The following RGS7 variants were observed in gnomAD, a reference collection of about 807,000 sequenced individuals.
RGS7 encodes regulator of G protein signaling 7.
RGS7 carries 27 observed loss-of-function variants against 81.1 expected under a neutral mutation model. The observed-to-expected ratio is 0.33, with a 90% CI of 0.25 to 0.46. RGS7 has a LOEUF of 0.46. RGS7 is among the 20% of genes least tolerant of loss of function. RGS7 has a pLI of 1.00. For missense variants in RGS7, 396 were observed against 607.4 expected (o/e 0.65, Z 3.66); for synonymous variants, 208 against 207.7 (o/e 1.00, Z -0.01).
At chr1:241,321,382 CA>C (rs1399023715) in intron 2 of RGS7, among the ~76,000 whole-genome samples, 1 of 152,166 alleles carries the variant, frequency 6.6e-6, no homozygotes, top group Non-Finnish European at 1.5e-5. Context: ...TTTCTGTTTT[CA>C]AGCAATTTGG....
chr1:240,798,555 G>A (rs1007032515), intron 18 of RGS7, among the ~76,000 whole-genome samples: 4 of 152,070 alleles, frequency 2.6e-5, no homozygotes, highest in African/African-American at 9.7e-5. Context: ...ATAGCACTGG[G>A]GAACAAAATA....
chr1:240,879,646 T>C (rs1477243457), intron 6 of RGS7, among the ~76,000 whole-genome samples: 2 of 152,212 alleles, frequency 1.3e-5, no homozygotes, highest in Non-Finnish European at 2.9e-5. Flanking sequence ...ACCACTCCGT[T>C]AGTGGCCATG....
chr1:241,355,683 C>T lies in RGS7; in HGVS notation c.78+16G>A, dbSNP rs535643271. The T allele has an allele frequency of 1.9e-5, 31 of 1,610,860 alleles. No individual in the cohort carries two copies. The highest frequency in any genetic ancestry group is 2.6e-5 in the Non-Finnish European group (31 of 1,177,136). On this transcript the variant is annotated intron_variant, in intron 2 of 18. Transcript: ENST00000440928. ...CGGAAGTTTCCCGTTTTCCAAGAAACTGAAGACATTCTTACCTTTCTGTAC... is the reference window on the plus strand; with the variant it reads ...CGGAAGTTTCCCGTTTTCCAAGAAATTGAAGACATTCTTACCTTTCTGTAC...
chr1:241,270,223 C>T (rs1308384819), intron 2 of RGS7, among the ~76,000 whole-genome samples: 3 of 152,076 alleles, frequency 2.0e-5, no homozygotes, highest in Non-Finnish European at 4.4e-5. Context: ...AGTGGCTTTT[C>T]CTCTCCCATG....
At chr1:241,084,362 GT>G (rs1007047862) in intron 3 of RGS7, among the ~76,000 whole-genome samples, 1 of 152,128 alleles carries the variant, frequency 6.6e-6, no homozygotes, top group Non-Finnish European at 1.5e-5. Flanking sequence ...TGGTCACACT[GT>G]TAGAGGACCA....
intron 6 of RGS7, among the ~76,000 whole-genome samples, chr1:240,874,966 C>T (rs192485688): frequency 7.2e-5 from 11 of 151,944 alleles, no homozygotes; most frequent in East Asian, 3.9e-4. Context: ...TGCTTGAACC[C>T]GGGAGGCGGG....
At chr1:241,346,204 C>T (rs2082886816) in intron 2 of RGS7, among the ~76,000 whole-genome samples, 2 of 151,456 alleles carry the variant, frequency 1.3e-5, no homozygotes, top group African/African-American at 4.8e-5. Context: ...TTTTAGAAAC[C>T]AGAAAACCAA....
At chr1:240,974,145 GGTGTGTAAGCAAAAC>G (rs1193977613) in intron 4 of RGS7, among the ~76,000 whole-genome samples, 1 of 152,090 alleles carries the variant, frequency 6.6e-6, no homozygotes, top group Non-Finnish European at 1.5e-5. Context: ...GTTGTTTGAT[GGTGTGTAAGCAAAAC>G]ATCTGGTTGA....
intron 3 of RGS7, among the ~76,000 whole-genome samples, chr1:241,011,945 G>A (rs2058978288): frequency 6.6e-6 from 1 of 152,132 alleles, no homozygotes; most frequent in South Asian, 2.1e-4. Context: ...CTATGGAGTA[G>A]CTGTTCTTTA....
intron 2 of RGS7, 113 bp from the exon 3 acceptor site, chr1:241,098,875 A>G (rs2064500063): frequency 1.4e-6 from 1 of 736,234 alleles, no homozygotes; most frequent in Admixed American, 2.2e-5. Flanking sequence ...ACAATGCCGT[A>G]TTCTTGCCTT....
At chr1:240,822,413 C>T (rs1029312440) in intron 10 of RGS7, among the ~76,000 whole-genome samples, 12 of 152,112 alleles carry the variant, frequency 7.9e-5, no homozygotes, top group Non-Finnish European at 5.9e-5. Context: ...GAAGATGGTA[C>T]GATGATGTGA....
At chr1:241,249,004 G>A (rs1388474234) in intron 2 of RGS7, among the ~76,000 whole-genome samples, 1 of 152,096 alleles carries the variant, frequency 6.6e-6, no homozygotes, top group Non-Finnish European at 1.5e-5. Flanking sequence ...CATTTGTATA[G>A]TCTATATACA....
At chr1:240,846,091 A>AT (rs1354102293) in intron 9 of RGS7, among the ~76,000 whole-genome samples, 1 of 152,200 alleles carries the variant, frequency 6.6e-6, no homozygotes, top group East Asian at 1.9e-4. Flanking sequence ...CTATCCATTG[A>AT]GTGTCTGCTG....
intron 2 of RGS7, among the ~76,000 whole-genome samples, chr1:241,308,722 CT>C (rs1194298578): frequency 2.0e-5 from 3 of 152,132 alleles, no homozygotes; most frequent in Non-Finnish European, 4.4e-5. Context: ...GCTGCAAGTA[CT>C]TACAGTGAGT....
chr1:241,268,954 C>A (rs1389909846), intron 2 of RGS7, among the ~76,000 whole-genome samples: 1 of 152,130 alleles, frequency 6.6e-6, no homozygotes, highest in Non-Finnish European at 1.5e-5. Context: ...ATGCCCAATG[C>A]CCCATGTTTA....
chr1:241,029,607 A>G (rs1016515693), intron 3 of RGS7, among the ~76,000 whole-genome samples: 3 of 152,226 alleles, frequency 2.0e-5, no homozygotes, highest in Admixed American at 6.5e-5. Context: ...AATAAATGCC[A>G]TGCTTATTCA....
chr1:241,349,106 A>G (rs549320377), intron 2 of RGS7, among the ~76,000 whole-genome samples: 23 of 152,360 alleles, frequency 1.5e-4, no homozygotes, highest in Admixed American at 1.3e-3. Flanking sequence ...CCATTCTAGC[A>G]TCAAACAGCT....
Position 241,182,373 on chromosome 1 carries a change from G to C in RGS7, c.79-83611C>G, listed in dbSNP as rs141978561. Among the ~76,000 whole-genome samples the C allele has an allele frequency of 2.1e-3, 315 of 152,290 alleles. 1 individual carries two copies. The highest frequency in any genetic ancestry group is 3.5e-3 in the Non-Finnish European group (235 of 68,034). Reference sequence around the variant, plus strand: ...CACTTTTGCTCTAAAAATGGAGACAGTATGCACCTCACCAGGCAACTGAGA... The same window carrying C: ...CACTTTTGCTCTAAAAATGGAGACACTATGCACCTCACCAGGCAACTGAGA... On this transcript the variant is annotated intron_variant, in intron 2 of 18. Coordinates refer to ENST00000440928, the MANE Select transcript of RGS7 (RefSeq NM_001364886.1).
intron 2 of RGS7, among the ~76,000 whole-genome samples, chr1:241,308,517 G>T (rs536803282): frequency 5.5e-4 from 83 of 152,258 alleles, no homozygotes; most frequent in African/African-American, 1.9e-3. Flanking sequence ...TTATCAGCTG[G>T]TCTATTACCT....
Sources: gnomAD v4.1 joint callset for allele counts (sites outside exome capture counted in the v4.1 genomes callset) on GRCh38, gnomAD v4.1.1 for gene constraint, MANE v1.5 for transcripts, NCBI Gene and HGNC (gene_info 2026-07-23, HGNC 2026-07-21) for gene names.